The following KIAA1143 variants were observed in gnomAD, a reference collection of about 807,000 sequenced individuals.
KIAA1143 encodes KIAA1143, also known as uncharacterized protein KIAA1143.
KIAA1143 carries 8 observed loss-of-function variants against 17.0 expected under a neutral mutation model. The observed-to-expected ratio is 0.47, with a 90% CI of 0.28 to 0.85. The LOEUF (loss-of-function observed/expected upper bound fraction) is 0.85, where lower values mean the gene tolerates loss of function less well. KIAA1143 is among the 40% of genes least tolerant of loss of function. The pLI, the probability that KIAA1143 is intolerant of heterozygous loss-of-function variation, is 0.12. For missense variants in KIAA1143, 162 were observed against 183.3 expected (o/e 0.88, Z 0.67); for synonymous variants, 64 against 67.8 (o/e 0.94, Z 0.27).
chr3:44,761,403 G>A (rs1705115082), intron 1 of KIAA1143, 92 bp downstream of exon 1: 1 of 950,940 alleles, frequency 1.1e-6, no homozygotes, highest in African/African-American at 1.6e-5. Context: ...TGAAAAGAGG[G>A]ACCCGACAGC....
chr3:44,749,700 G>A lies in KIAA1143; in HGVS notation c.*3641C>T, dbSNP rs1704867820. ...GGACAATTGATTATTTGAGAAAAAA[G>A]TATACTCTAATAAATTCCAGATAGA... On this transcript the variant is annotated 3_prime_UTR_variant, in exon 3 of 3. Transcript: ENST00000296121. 2 of 152,072 alleles carry A rather than the reference G, an allele frequency of 1.3e-5. No homozygotes were observed. Among genetic ancestry groups the A allele is most frequent in the Admixed American group, 6.5e-5 (1 of 15,272 alleles). The allele number at this position is 152,072 out of a possible 1,614,324, so 9.4% of individuals were successfully genotyped here.
chr3:44,756,799 T>TTA (rs1410312244), intron 1 of KIAA1143, among the ~76,000 whole-genome samples: 2 of 152,168 alleles, frequency 1.3e-5, no homozygotes, highest in Admixed American at 1.3e-4. Context: ...TCACACAACT[T>TTA]TTACTAGAGT....
intron 1 of KIAA1143, among the ~76,000 whole-genome samples, chr3:44,756,608 G>A (rs982304290): frequency 6.6e-6 from 1 of 152,184 alleles, no homozygotes; most frequent in African/African-American, 2.4e-5. Flanking sequence ...ATTATGGAAT[G>A]ATTTCCCATG....
chr3:44,753,573 T>C, intron 2 of KIAA1143, 21 bp from the exon 3 acceptor site: 1 of 1,592,154 alleles, frequency 6.3e-7, no homozygotes, highest in Non-Finnish European at 8.6e-7. Flanking sequence ...ACAGAATTTT[T>C]AAGAACTTTC....
rs1559509952 is a variant in KIAA1143, at chr3:44,751,763, C to T, written c.*1578G>A. ...TCCATTTCCTTTTGCCTAGAGACCA[C>T]CAAGTTAGATGATCATGTGACAAGA... On this transcript the variant is annotated 3_prime_UTR_variant, in exon 3 of 3. Transcript: ENST00000296121. The T allele has an allele frequency of 6.6e-6, 1 of 152,150 alleles. No individual in the cohort carries two copies. The highest frequency in any genetic ancestry group is 2.4e-5 in the African/African-American group (1 of 41,430). The allele number at this position is 152,150 out of a possible 1,614,324, so 9.4% of individuals were successfully genotyped here. A position where few individuals can be genotyped will look rare whatever the true frequency, so the allele number is the denominator to read the frequency against.
intron 2 of KIAA1143, 65 bp from the exon 3 acceptor site, chr3:44,753,617 A>G: frequency 1.4e-6 from 2 of 1,427,658 alleles, no homozygotes; most frequent in South Asian, 2.5e-5. Flanking sequence ...CCTTAGAAGC[A>G]AATAATAAGA....
intron 2 of KIAA1143, among the ~76,000 whole-genome samples, chr3:44,753,786 GTAT>G (rs1174188335): frequency 6.6e-6 from 1 of 152,140 alleles, no homozygotes; most frequent in Non-Finnish European, 1.5e-5. Context: ...CAATCAGGTT[GTAT>G]TTTTAAGTAG....
At chr3:44,756,876 T>C (rs866324838) in intron 1 of KIAA1143, among the ~76,000 whole-genome samples, 5 of 152,322 alleles carry the variant, frequency 3.3e-5, no homozygotes, top group Middle Eastern at 6.8e-3. Flanking sequence ...ATAGTAAACT[T>C]CATCATAGGT....
rs1319741570 is a variant in KIAA1143, at chr3:44,753,242, TCTATAAAGAA to T, written c.*89_*98del. The T allele has an allele frequency of 1.2e-6, 1 of 829,726 alleles. No individual in the cohort carries two copies. The highest frequency in any genetic ancestry group is 1.9e-6 in the Non-Finnish European group (1 of 532,862). The allele number at this position is 829,726 out of a possible 1,614,324, so 51.4% of individuals were successfully genotyped here. On this transcript the variant is annotated 3_prime_UTR_variant, in exon 3 of 3. Coordinates refer to ENST00000296121, the MANE Select transcript of KIAA1143 (RefSeq NM_020696.4). ...ATTTTTTTCTCTATTTCCTAAACTTTCTATAAAGAACTTGTAGTATCTTTATAATAGGAAA... is the reference window on the plus strand; with the variant it reads ...ATTTTTTTCTCTATTTCCTAAACTTTCTTGTAGTATCTTTATAATAGGAAA...
intron 2 of KIAA1143, 73 bp from the exon 3 acceptor site, chr3:44,753,625 A>G (rs530419243): frequency 3.6e-6 from 5 of 1,377,100 alleles, no homozygotes; most frequent in Non-Finnish European, 5.0e-6. Context: ...GCAAATAATA[A>G]GAAAATCTCA....
At chr3:44,760,458 C>T (rs551737882) in intron 1 of KIAA1143, among the ~76,000 whole-genome samples, 10 of 151,938 alleles carry the variant, frequency 6.6e-5, no homozygotes, top group East Asian at 5.8e-4. Context: ...GGCGCGATCT[C>T]GGCTCACTGC....
At chr3:44,756,399 C>T (rs1464491649) in intron 1 of KIAA1143, among the ~76,000 whole-genome samples, 1 of 152,164 alleles carries the variant, frequency 6.6e-6, no homozygotes, top group East Asian at 1.9e-4. Flanking sequence ...CCCGTCTCTA[C>T]TAAAAATACA....
intron 1 of KIAA1143, 133 bp downstream of exon 1, chr3:44,761,362 G>A (rs1311387958): frequency 1.5e-6 from 1 of 653,866 alleles, no homozygotes; most frequent in Non-Finnish European, 2.7e-6. Context: ...CTGGGGGTCC[G>A]AGTTCCACCG....
At chr3:44,755,100 CAAA>C (rs1704950710) in intron 1 of KIAA1143, among the ~76,000 whole-genome samples, 1 of 152,018 alleles carries the variant, frequency 6.6e-6, no homozygotes, top group Non-Finnish European at 1.5e-5. Flanking sequence ...CAACTTAACT[CAAA>C]AAATATCTTT....
chr3:44,760,923 C>G (rs1194569077), intron 1 of KIAA1143, among the ~76,000 whole-genome samples: 1 of 151,486 alleles, frequency 6.6e-6, no homozygotes, highest in Non-Finnish European at 1.5e-5. Flanking sequence ...AACTCCTGAC[C>G]TCAGGTGATC....
At chr3:44,753,955 A>C (rs1384858128) in intron 2 of KIAA1143, among the ~76,000 whole-genome samples, 2 of 146,064 alleles carry the variant, frequency 1.4e-5, no homozygotes, top group Non-Finnish European at 3.0e-5. Flanking sequence ...CCATCTATTT[A>C]AAAAAAAAAA....
rs973233190 is a variant in KIAA1143, at chr3:44,751,981, CAG to C, written c.*1358_*1359del. ...AAAGATTTACGAGGATCACGTCTCTCAGGGGGAAAATGAGGCAGGAGAATAGG... is the reference window on the plus strand; with the variant it reads ...AAAGATTTACGAGGATCACGTCTCTCGGGGAAAATGAGGCAGGAGAATAGG... On this transcript the variant is annotated 3_prime_UTR_variant, in exon 3 of 3. Transcript: ENST00000296121. 7 of 152,090 alleles carry C rather than the reference CAG, an allele frequency of 4.6e-5. No homozygotes were observed. Among genetic ancestry groups the C allele is most frequent in the Admixed American group, 2.0e-4 (3 of 15,268 alleles). The allele number at this position is 152,090 out of a possible 1,614,324, so 9.4% of individuals were successfully genotyped here.
chr3:44,758,546 C>T (rs1006306978), intron 1 of KIAA1143, among the ~76,000 whole-genome samples: 1 of 152,148 alleles, frequency 6.6e-6, no homozygotes, highest in Non-Finnish European at 1.5e-5. Context: ...CTCATCTGTT[C>T]AATTTTTATG....
intron 1 of KIAA1143, among the ~76,000 whole-genome samples, chr3:44,760,843 C>T (rs1389573075): frequency 5.9e-5 from 9 of 151,960 alleles, no homozygotes; most frequent in African/African-American, 2.2e-4. Flanking sequence ...CCACCATGCC[C>T]GGCTAATTTT....
Sources: allele counts gnomAD v4.1 joint callset (sites outside exome capture counted in the v4.1 genomes callset), GRCh38; gene constraint gnomAD v4.1.1; transcripts MANE v1.5; gene names NCBI Gene and HGNC (gene_info 2026-07-23, HGNC 2026-07-21).